SPAG16: variants seen among roughly 807,000 people sequenced by gnomAD.
SPAG16 encodes sperm associated antigen 16, also known as sperm-associated antigen 16 protein.
SPAG16 carries 86 observed loss-of-function variants against 80.4 expected under a neutral mutation model. The ratio of observed to expected loss-of-function variants is 1.07; its 90% confidence interval spans 0.90 to 1.28. The LOEUF (loss-of-function observed/expected upper bound fraction) is 1.28. Ranked by LOEUF, SPAG16 falls within the 50% of genes most tolerant of loss-of-function variation. SPAG16 has a pLI of 0.00. For missense variants in SPAG16, 870 were observed against 765.3 expected (o/e 1.14, Z -1.61); for synonymous variants, 294 against 265.9 (o/e 1.11, Z -1.03).
intron 15 of SPAG16, among the ~76,000 whole-genome samples, chr2:214,247,382 A>G (rs116079915): frequency 2.0e-5 from 3 of 152,098 alleles, no homozygotes; most frequent in African/African-American, 7.2e-5. Flanking sequence ...ATTAGTGTGG[A>G]TATCTAGAAT....
intron 10 of SPAG16, among the ~76,000 whole-genome samples, chr2:213,576,174 T>C (rs566530867): frequency 6.6e-6 from 1 of 152,180 alleles, no homozygotes; most frequent in Non-Finnish European, 1.5e-5. Context: ...ATTTATTGAA[T>C]AGCGAGTCCA....
At chr2:213,502,978 C>T (rs2074807327) in intron 10 of SPAG16, among the ~76,000 whole-genome samples, 1 of 152,160 alleles carries the variant, frequency 6.6e-6, no homozygotes, top group Non-Finnish European at 1.5e-5. Context: ...ACAGAAGGGT[C>T]AAATATAGGT....
chr2:213,677,950 C>T (rs2064176664), intron 10 of SPAG16, among the ~76,000 whole-genome samples: 1 of 150,310 alleles, frequency 6.7e-6, no homozygotes, highest in Admixed American at 6.7e-5. Context: ...AACTAGAACT[C>T]AGGATTAAGA....
At chr2:214,298,292 T>A (rs1301243542) in intron 15 of SPAG16, among the ~76,000 whole-genome samples, 1 of 152,056 alleles carries the variant, frequency 6.6e-6, no homozygotes, top group Non-Finnish European at 1.5e-5. Flanking sequence ...GATTTTTGTA[T>A]CCTGAAACTC....
Position 214,335,337 on chromosome 2 carries a change from G to A in SPAG16, c.1721-74803G>A, listed in dbSNP as rs116421272. 7.2e-3 allele frequency among the ~76,000 whole-genome samples: 1,100 copies of A among 152,194 alleles called. 11 individuals are homozygous for A. Among genetic ancestry groups the A allele is most frequent in the African/African-American group, 0.025 (1,053 of 41,530 alleles). The stretch of plus-strand genomic sequence containing the variant: ...TGAAAGAACATCTCTGTGACGCCCC[G>A]CAGCATCCGCTACACACTGAACACA... On this transcript the variant is annotated intron_variant, in intron 15 of 15. Coordinates refer to ENST00000331683, the MANE Select transcript of SPAG16 (RefSeq NM_024532.5).
chr2:213,355,657 C>A (rs575248074), intron 7 of SPAG16, among the ~76,000 whole-genome samples: 16 of 151,866 alleles, frequency 1.1e-4, no homozygotes, highest in Admixed American at 2.6e-4. Context: ...ATGATTTGGC[C>A]CTCTGTTTGT....
intron 7 of SPAG16, among the ~76,000 whole-genome samples, chr2:213,360,648 G>A (rs914960512): frequency 6.6e-6 from 1 of 152,132 alleles, no homozygotes; most frequent in Admixed American, 6.5e-5. Context: ...TACTAATCAG[G>A]TATATCCTGG....
At chr2:213,742,926 C>CG (rs1233268515) in intron 10 of SPAG16, among the ~76,000 whole-genome samples, 1 of 150,208 alleles carries the variant, frequency 6.7e-6, no homozygotes, top group African/African-American at 2.5e-5. Context: ...TTTTTTGAGA[C>CG]GGAGTCTCGC....
chr2:214,392,145 G>T (rs1470514901), intron 15 of SPAG16, among the ~76,000 whole-genome samples: 1 of 151,988 alleles, frequency 6.6e-6, no homozygotes, highest in African/African-American at 2.4e-5. Context: ...ATGTCAGCTT[G>T]CCACTCAGTC....
At chr2:214,370,756 A>G (rs1699762377) in intron 15 of SPAG16, among the ~76,000 whole-genome samples, 1 of 152,218 alleles carries the variant, frequency 6.6e-6, no homozygotes, top group Admixed American at 6.5e-5. Context: ...ACGTTTGTCA[A>G]AGAGTACAAG....
intron 10 of SPAG16, among the ~76,000 whole-genome samples, chr2:213,793,376 C>T (rs1310358498): frequency 6.6e-6 from 1 of 152,070 alleles, no homozygotes; most frequent in Non-Finnish European, 1.5e-5. Context: ...ACCATCATAC[C>T]TCTTACCTCT....
Position 213,435,581 on chromosome 2 carries a change from GAAGTT to G in SPAG16, c.943-54379_943-54375del, listed in dbSNP as rs145945396. 3.4e-4 allele frequency among the ~76,000 whole-genome samples: 52 copies of G among 152,164 alleles called. 1 individual carries two copies. The East Asian group carries it at 0.01, about 29-fold the overall frequency. ...GTAATCCTGTTAGAAAAAAATGTAA[GAAGTT>G]AATATTTAAAAAGCAAAGGGATAAA... On this transcript the variant is annotated intron_variant, in intron 9 of 15. Transcript: ENST00000331683.
At chr2:213,571,399 C>A (rs1365892557) in intron 10 of SPAG16, among the ~76,000 whole-genome samples, 1 of 12,806 alleles carries the variant, frequency 7.8e-5, no homozygotes, top group African/African-American at 4.7e-4. Context: ...CCATGTTTAG[C>A]GCTTCCTTCA....
At chr2:214,009,542 C>G (rs949133980) in intron 12 of SPAG16, among the ~76,000 whole-genome samples, 2 of 152,112 alleles carry the variant, frequency 1.3e-5, no homozygotes, top group Middle Eastern at 3.2e-3. Flanking sequence ...TAAATCCTAA[C>G]AAGCCATTTT....
intron 12 of SPAG16, among the ~76,000 whole-genome samples, chr2:213,976,993 C>T (rs567152234): frequency 3.9e-5 from 6 of 152,046 alleles, no homozygotes; most frequent in African/African-American, 1.2e-4. Flanking sequence ...TGTTTTAAGT[C>T]GCTAAATTTG....
chr2:214,232,940 TATGCA>T (rs1163981607), intron 15 of SPAG16, among the ~76,000 whole-genome samples: 1 of 151,936 alleles, frequency 6.6e-6, no homozygotes, highest in Non-Finnish European at 1.5e-5. Context: ...GTAGCATATC[TATGCA>T]ATGCAATGCA....
At chr2:213,438,146 CTTTTA>C (rs1300599181) in intron 9 of SPAG16, among the ~76,000 whole-genome samples, 1 of 152,126 alleles carries the variant, frequency 6.6e-6, no homozygotes, top group Non-Finnish European at 1.5e-5. Context: ...TGCCTGTTAT[CTTTTA>C]TTTTTAGACA....
intron 11 of SPAG16, among the ~76,000 whole-genome samples, chr2:213,929,675 A>G (rs79435921): frequency 1.3e-5 from 2 of 152,322 alleles, no homozygotes; most frequent in East Asian, 3.9e-4. Context: ...CAAACACATG[A>G]TAACAAAAAC....
intron 10 of SPAG16, among the ~76,000 whole-genome samples, chr2:213,834,799 G>A (rs2073985457): frequency 6.6e-6 from 1 of 152,082 alleles, no homozygotes; most frequent in Admixed American, 6.5e-5. Flanking sequence ...AAGTAATGCA[G>A]AAAAAATTGT....
Sources: gnomAD v4.1 joint callset for allele counts (sites outside exome capture counted in the v4.1 genomes callset) on GRCh38, gnomAD v4.1.1 for gene constraint, MANE v1.5 for transcripts, NCBI Gene and HGNC (gene_info 2026-07-23, HGNC 2026-07-21) for gene names.